The following UNC5B variants were observed in gnomAD, a reference collection of about 807,000 sequenced individuals.
UNC5B encodes the protein netrin receptor UNC5B.
A neutral mutation model predicts 103.7 loss-of-function variants in UNC5B; 56 were observed. That is an observed-to-expected ratio of 0.54 (90% confidence interval 0.44 to 0.67). UNC5B has a LOEUF of 0.67. UNC5B is among the 30% of genes least tolerant of loss of function. The pLI is 0.00. For missense variants in UNC5B, 1,194 were observed against 1,284.5 expected, an observed-to-expected ratio of 0.93 and a Z score of 1.08; for synonymous variants, 577 against 542.0, an observed-to-expected ratio of 1.06 and a Z score of -0.90.
chr10:71,230,328 C>A (rs1463379360), intron 1 of UNC5B, among the ~76,000 whole-genome samples: 1 of 152,108 alleles, frequency 6.6e-6, no homozygotes, highest in African/African-American at 2.4e-5. Flanking sequence ...AAGCTGCTGA[C>A]CCCTGAACAC....
intron 1 of UNC5B, among the ~76,000 whole-genome samples, chr10:71,225,789 A>G (rs1298761164): frequency 6.6e-6 from 1 of 152,076 alleles, no homozygotes; most frequent in Non-Finnish European, 1.5e-5. Flanking sequence ...GCCAAGGCAG[A>G]GAGAAGCTCA....
chr10:71,244,703 A>G (rs2132262828), intron 1 of UNC5B, among the ~76,000 whole-genome samples: 1 of 152,320 alleles, frequency 6.6e-6, no homozygotes, highest in African/African-American at 2.4e-5. Flanking sequence ...CCTGAGAGCT[A>G]GGATGTCCGC....
rs989562488 is a variant in UNC5B, at chr10:71,291,689, G to T, written c.1552G>T (p.Asp518Tyr). Reference protein sequence around the residue: ...PGTYPSDFARDTHFLHLRSAS... With the variant: ...PGTYPSDFARYTHFLHLRSAS... The stretch of plus-strand genomic sequence containing the variant: ...CACATACCCTAGCGATTTCGCCCGG[G>T]ACACCCACTTCCTGCACCTGCGCAG... The change falls in exon 10 of 17, where the codon GAC becomes TAC. Residue 518 changes from aspartate (D) to tyrosine (Y), a missense_variant. Asp to Tyr is a radical substitution (Grantham distance 160). Coordinates refer to ENST00000335350, the MANE Select transcript of UNC5B (RefSeq NM_170744.5). 6.2e-7 allele frequency: 1 copy of T among 1,613,414 alleles called. No individual in the cohort carries two copies. The highest frequency in any genetic ancestry group is 8.5e-7 in the Non-Finnish European group (1 of 1,180,038).
At position 71,290,467 on chromosome 10, in the gene UNC5B, A is replaced by G. The variant is rs76290535; in HGVS notation, c.1100-448A>G. ...AATGGAAGAAGAGTTCAGAACAGCT[A>G]CTTACAAAGATAACAGAGCCAGAAG... On this transcript the variant is annotated intron_variant, in intron 8 of 16. Coordinates refer to ENST00000335350, the MANE Select transcript of UNC5B (RefSeq NM_170744.5). Among the ~76,000 whole-genome samples the G allele has an allele frequency of 1.6e-3, 237 of 152,278 alleles. 5 individuals are homozygous for G. In the East Asian group the frequency reaches 0.042, roughly 27 times the overall value.
chr10:71,268,803 C>T (rs1330481590), intron 1 of UNC5B, among the ~76,000 whole-genome samples: 2 of 152,196 alleles, frequency 1.3e-5, no homozygotes, highest in Admixed American at 6.5e-5. Context: ...GCCCCTAGAC[C>T]CAAGACTGTA....
At chr10:71,267,498 C>T (rs543848192) in intron 1 of UNC5B, among the ~76,000 whole-genome samples, 7 of 152,278 alleles carry the variant, frequency 4.6e-5, no homozygotes, top group African/African-American at 1.7e-4. Flanking sequence ...CATTACATGG[C>T]TATGGGGGTA....
intron 13 of UNC5B, among the ~76,000 whole-genome samples, chr10:71,295,034 G>C (rs2132314576): frequency 6.6e-6 from 1 of 152,250 alleles, no homozygotes; most frequent in Non-Finnish European, 1.5e-5. Context: ...TGCACTTTCT[G>C]TTCCTGCTCC....
intron 13 of UNC5B, among the ~76,000 whole-genome samples, chr10:71,294,175 C>T (rs1845349811): frequency 1.3e-5 from 2 of 152,284 alleles, no homozygotes; most frequent in Middle Eastern, 6.8e-3. Context: ...GGGGTCTGCC[C>T]CAGGACTGAG....
At chr10:71,292,649 A>C in intron 11 of UNC5B, 95 bp downstream of exon 11, 1 of 1,041,560 alleles carries the variant, frequency 9.6e-7, no homozygotes, top group African/African-American at 1.6e-5. Context: ...TGCCAAGACC[A>C]AACAGTCCTC....
At chr10:71,227,595 T>G (rs1159014765) in intron 1 of UNC5B, among the ~76,000 whole-genome samples, 1 of 142,802 alleles carries the variant, frequency 7.0e-6, no homozygotes, top group Non-Finnish European at 1.5e-5. Flanking sequence ...ATAAATTTTG[T>G]ATACATACAT....
chr10:71,254,589 G>A (rs188882411), intron 1 of UNC5B, among the ~76,000 whole-genome samples: 8 of 152,210 alleles, frequency 5.3e-5, no homozygotes, highest in African/African-American at 1.9e-4. Context: ...GCTGGGTTGG[G>A]GGGAGGGAGA....
rs1845017348 is a variant in UNC5B at position 71,284,626 on chromosome 10, GC to G, written c.305-92del. 1.9e-6 allele frequency: 3 copies of G among 1,567,256 alleles called. No individual in the cohort carries two copies. In the African/African-American group the frequency reaches 4.0e-5, roughly 21 times the overall value. ...GAGGGAAAGGCACTTGGGCAAGAGT[GC>G]CAGCAGGATCCGAGGTGGAAGGCCG... is the stretch of plus-strand genomic sequence containing the variant. On this transcript the variant is annotated intron_variant, in intron 2 of 16. Transcript: ENST00000335350.
At chr10:71,276,713 C>T (rs1392983675) in intron 1 of UNC5B, among the ~76,000 whole-genome samples, 1 of 152,216 alleles carries the variant, frequency 6.6e-6, no homozygotes, top group Non-Finnish European at 1.5e-5. Flanking sequence ...GGATTACAGG[C>T]GTGAGCCACT....
chr10:71,267,779 C>T (rs1844553666), intron 1 of UNC5B, among the ~76,000 whole-genome samples: 1 of 152,222 alleles, frequency 6.6e-6, no homozygotes, highest in African/African-American at 2.4e-5. Flanking sequence ...TGGCCAGTGC[C>T]ACCTGTCTCC....
At chr10:71,289,726 C>T (rs1426941355) in intron 8 of UNC5B, among the ~76,000 whole-genome samples, 1 of 152,202 alleles carries the variant, frequency 6.6e-6, no homozygotes, top group Non-Finnish European at 1.5e-5. Flanking sequence ...GAGGCAGAGC[C>T]AAGCTGGGGG....
intron 1 of UNC5B, among the ~76,000 whole-genome samples, chr10:71,276,923 G>C (rs7081019): frequency 0.71 from 108,428 of 152,136 alleles, 39,680 homozygotes; most frequent in Non-Finnish European, 0.79. Context: ...AGAGCCATCC[G>C]GTACTGCTGC....
At chr10:71,263,617 G>C (rs141554878) in intron 1 of UNC5B, among the ~76,000 whole-genome samples, 19 of 152,188 alleles carry the variant, frequency 1.2e-4, no homozygotes, top group Non-Finnish European at 2.5e-4. Context: ...CACGGAGTGC[G>C]GCAGTGACAG....
chr10:71,223,080 T>C (rs1843483300), intron 1 of UNC5B, among the ~76,000 whole-genome samples: 1 of 152,190 alleles, frequency 6.6e-6, no homozygotes, highest in Non-Finnish European at 1.5e-5. Flanking sequence ...GCCTGCGTTC[T>C]TTCCTTTTCC....
chr10:71,220,673 T>G (rs748411371), intron 1 of UNC5B, among the ~76,000 whole-genome samples: 3 of 151,904 alleles, frequency 2.0e-5, no homozygotes, highest in Non-Finnish European at 2.9e-5. Flanking sequence ...GCCTTGAGAG[T>G]CTCATGAGCT....
Sources: allele counts gnomAD v4.1 joint callset (sites outside exome capture counted in the v4.1 genomes callset), GRCh38; gene constraint gnomAD v4.1.1; transcripts MANE v1.5; gene names NCBI Gene and HGNC (gene_info 2026-07-23, HGNC 2026-07-21).